Variants in MICU3 observed in about 807,000 individuals in gnomAD.
MICU3 encodes calcium uptake protein 3, mitochondrial.
In MICU3, 62 loss-of-function variants were observed where a neutral mutation model predicts 66.5. The ratio of observed to expected loss-of-function variants is 0.93; its 90% CI spans 0.76 to 1.15. The LOEUF (loss-of-function observed/expected upper bound fraction) is 1.15. MICU3 is among the 50% of genes most tolerant of loss of function. The pLI, the probability that MICU3 is intolerant of heterozygous loss-of-function variation, is 0.00. For synonymous variants in MICU3, 308 were observed against 240.7 expected, an observed-to-expected ratio of 1.28 and a Z score of -2.59; for missense variants, 779 against 664.4, an observed-to-expected ratio of 1.17 and a Z score of -1.90.
intron 2 of MICU3, 53 bp downstream of exon 2, chr8:17,064,290 G>C (rs901399542): frequency 7.1e-7 from 1 of 1,410,338 alleles, no homozygotes; most frequent in Non-Finnish European, 9.8e-7. Context: ...TTTATCTCTA[G>C]CTTGTGAATG....
At chr8:17,096,440 C>T (rs28643454) in intron 8 of MICU3, among the ~76,000 whole-genome samples, 14,061 of 151,826 alleles carry the variant, frequency 0.093, 2,206 homozygotes, top group African/African-American at 0.32. Flanking sequence ...CTTCATCGTT[C>T]AAATTGTTTA....
intron 1 of MICU3, among the ~76,000 whole-genome samples, chr8:17,060,719 C>G (rs1006542387): frequency 2.0e-5 from 3 of 152,080 alleles, no homozygotes; most frequent in Admixed American, 1.3e-4. Context: ...GAGGAAGCAA[C>G]CAGTTGGTGG....
intron 4 of MICU3, among the ~76,000 whole-genome samples, chr8:17,080,872 C>T (rs1821083293): frequency 6.6e-6 from 1 of 151,952 alleles, no homozygotes; most frequent in South Asian, 2.1e-4. Flanking sequence ...ATTTTTATAC[C>T]CTTTTACCAA....
intron 5 of MICU3, 42 bp from the exon 6 acceptor site, chr8:17,085,194 A>G (rs756560755): frequency 1.5e-6 from 2 of 1,365,298 alleles, no homozygotes; most frequent in Non-Finnish European, 2.1e-6. Flanking sequence ...TTTAAAATAC[A>G]TTTTTCCATT....
chr8:17,037,513 A>G (rs1243509787), intron 1 of MICU3, among the ~76,000 whole-genome samples: 4 of 152,204 alleles, frequency 2.6e-5, no homozygotes, highest in Non-Finnish European at 5.9e-5. Context: ...CATGTGGTGT[A>G]TGGAAACGCC....
At chr8:17,131,715 C>T in the MICU3 span, 3 of 152,192 alleles carry the variant, frequency 2.0e-5, no homozygotes, top group Non-Finnish European at 4.4e-5. Context: ...TGGAGTGTGC[C>T]CTACAACAGC....
chr8:17,074,543 T>G (rs1820088458), intron 3 of MICU3, among the ~76,000 whole-genome samples: 1 of 151,552 alleles, frequency 6.6e-6, no homozygotes, highest in East Asian at 1.9e-4. Flanking sequence ...ACAAAAATAC[T>G]ATAGAAATAT....
chr8:17,098,309 G>T (rs1304560570), intron 8 of MICU3, 149 bp from the exon 9 acceptor site: 2 of 697,128 alleles, frequency 2.9e-6, no homozygotes, highest in Admixed American at 4.4e-5. Context: ...ATACAATACT[G>T]TGGTGCACAG....
At chr8:17,104,116 A>T (rs968631923) in intron 9 of MICU3, among the ~76,000 whole-genome samples, 1 of 152,102 alleles carries the variant, frequency 6.6e-6, no homozygotes, top group Admixed American at 6.5e-5. Context: ...ATAGAATCCT[A>T]TATGCATAAT....
intron 1 of MICU3, among the ~76,000 whole-genome samples, chr8:17,050,861 G>A (rs1174514346): frequency 1.3e-5 from 2 of 151,888 alleles, no homozygotes; most frequent in Non-Finnish European, 2.9e-5. Context: ...TCAATGGGGG[G>A]GTTTAAACCT....
At chr8:17,129,717 G>A in the MICU3 span, among the ~76,000 whole-genome samples, 1 of 152,082 alleles carries the variant, frequency 6.6e-6, no homozygotes, top group Non-Finnish European at 1.5e-5. Context: ...GGAAGAGGGT[G>A]GGAGAGTAAA....
At chr8:17,105,619 T>C (rs774014816) in intron 11 of MICU3, 35 bp downstream of exon 11, 1 of 1,315,500 alleles carries the variant, frequency 7.6e-7, no homozygotes, top group Admixed American at 2.6e-5. Flanking sequence ...GTTATGTTAC[T>C]GTTTTGCAAT....
rs763839697 is a variant in MICU3 at position 17,027,268 on chromosome 8, G to A, written c.-12G>A. 2.9e-5 allele frequency: 39 copies of A among 1,364,346 alleles called. No individual in the cohort carries two copies. Among genetic ancestry groups the A allele is most frequent in the Middle Eastern group, 2.4e-4 (1 of 4,244 alleles). The allele number at this position is 1,364,346 out of a possible 1,614,324, so 84.5% of individuals were successfully genotyped here. On this transcript the variant is annotated 5_prime_UTR_variant, in exon 1 of 15. Transcript: ENST00000318063. ...CTGCCCCCTCCCAGCTCTGGTGTGG[G>A]CGGCCTCCGCTATGGCTGCGCTGCG...
At chr8:17,061,038 A>C (rs182965760) in intron 1 of MICU3, among the ~76,000 whole-genome samples, 243 of 152,260 alleles carry the variant, frequency 1.6e-3, no homozygotes, top group Non-Finnish European at 8.1e-4. Flanking sequence ...AAAGAATGCA[A>C]ACTTTTCTGT....
chr8:17,137,122 C>G, the MICU3 span, among the ~76,000 whole-genome samples: 8 of 152,128 alleles, frequency 5.3e-5, no homozygotes, highest in East Asian at 1.4e-3. Context: ...CACTCCCGTC[C>G]AAACCTTTCT....
chr8:17,061,434 G>A (rs1817806805), intron 1 of MICU3, among the ~76,000 whole-genome samples: 1 of 152,114 alleles, frequency 6.6e-6, no homozygotes, highest in Non-Finnish European at 1.5e-5. Flanking sequence ...GGTAAGCTGG[G>A]GGATTGTTAG....
chr8:17,046,796 A>G (rs999594239), intron 1 of MICU3, among the ~76,000 whole-genome samples: 1 of 152,030 alleles, frequency 6.6e-6, no homozygotes, highest in Non-Finnish European at 1.5e-5. Context: ...AAACCTGCAA[A>G]TTTCCTCCTG....
chr8:17,029,059 G>C (rs191911962), intron 1 of MICU3, among the ~76,000 whole-genome samples: 1 of 152,344 alleles, frequency 6.6e-6, no homozygotes, highest in East Asian at 1.9e-4. Context: ...GAAATTACTT[G>C]ACCTGTCAAT....
At chr8:17,092,279 G>T (rs1173567102) in intron 8 of MICU3, among the ~76,000 whole-genome samples, 1 of 151,688 alleles carries the variant, frequency 6.6e-6, no homozygotes, top group Non-Finnish European at 1.5e-5. Flanking sequence ...TTTTCATATA[G>T]GGTCATTATG....
Sources: gnomAD v4.1 joint callset for allele counts (sites outside exome capture counted in the v4.1 genomes callset) on GRCh38, gnomAD v4.1.1 for gene constraint, MANE v1.5 for transcripts, NCBI Gene and HGNC (gene_info 2026-07-23, HGNC 2026-07-21) for gene names.